Variants in AXDND1 observed in about 807,000 individuals in gnomAD.
AXDND1 encodes axonemal dynein light chain domain-containing protein 1.
Under a neutral mutation model 137.5 loss-of-function variants are expected in AXDND1, and 110 were observed. The observed-to-expected ratio is 0.80, with a 90% CI of 0.69 to 0.94. The LOEUF (loss-of-function observed/expected upper bound fraction) is 0.94. Among genes scored for constraint, AXDND1 ranks in the 40% least tolerant of loss-of-function variants. The pLI, the probability that AXDND1 is intolerant of heterozygous loss-of-function variation, is 0.00. For synonymous variants in AXDND1, 414 were observed against 399.7 expected, an observed-to-expected ratio of 1.04 and a Z score of -0.43; for missense variants, 1,191 against 1,169.8, an observed-to-expected ratio of 1.02 and a Z score of -0.26.
intron 20 of AXDND1, among the ~76,000 whole-genome samples, chr1:179,495,316 C>A (rs895647321): frequency 6.6e-6 from 1 of 152,054 alleles, no homozygotes; most frequent in Non-Finnish European, 1.5e-5. Flanking sequence ...GTCTTTAAAT[C>A]TGTGAACATG....
rs767605616 is a variant in AXDND1 at position 179,492,881 on chromosome 1, T to C, written c.2318T>C (p.Met773Thr). The C allele has an allele frequency of 2.9e-5, 46 of 1,608,214 alleles. No individual in the cohort carries two copies. Among genetic ancestry groups the C allele is most frequent in the Non-Finnish European group, 9.3e-6 (11 of 1,178,480 alleles). ...TGTTGCAAAGGGATGGTAACAGCAA[T>C]GGCTCTGAGTAAATCCACTAACTCA... ...SSCCKGMVTAMALSKSTNSHK... is the reference protein window; with the variant it reads ...SSCCKGMVTATALSKSTNSHK... Residue 773 changes from methionine (M) to threonine (T), a missense_variant, in exon 20 of 26, where the codon ATG becomes ACG. Coordinates refer to ENST00000367618, the MANE Select transcript of AXDND1 (RefSeq NM_144696.6).
At chr1:179,535,738 C>T (rs934280492) in intron 25 of AXDND1, among the ~76,000 whole-genome samples, 4 of 151,930 alleles carry the variant, frequency 2.6e-5, no homozygotes, top group African/African-American at 9.7e-5. Context: ...GGTATATACC[C>T]AGTAATGGGA....
intron 18 of AXDND1, among the ~76,000 whole-genome samples, chr1:179,487,885 A>G (rs1666255861): frequency 6.8e-6 from 1 of 146,404 alleles, no homozygotes; most frequent in Admixed American, 6.7e-5. Flanking sequence ...AGTCCCAACT[A>G]CTTGGGAGGC....
intron 9 of AXDND1, among the ~76,000 whole-genome samples, chr1:179,391,793 C>T (rs371447701): frequency 6.6e-6 from 1 of 152,132 alleles, no homozygotes; most frequent in Non-Finnish European, 1.5e-5. Context: ...CTGTCTCAGC[C>T]TCCCAAAGTG....
intron 16 of AXDND1, among the ~76,000 whole-genome samples, chr1:179,465,050 A>G (rs1241319165): frequency 6.6e-6 from 1 of 152,110 alleles, no homozygotes; most frequent in Non-Finnish European, 1.5e-5. Flanking sequence ...CTTCTTTGCA[A>G]TGGGTTTGAA....
At chr1:179,553,138 A>G (rs1217147509) in intron 25 of AXDND1, among the ~76,000 whole-genome samples, 2 of 152,250 alleles carry the variant, frequency 1.3e-5, no homozygotes, top group African/African-American at 2.4e-5. Context: ...CATAAAAGGT[A>G]CAAAATTGTC....
At chr1:179,515,083 C>T (rs528440235) in intron 21 of AXDND1, among the ~76,000 whole-genome samples, 1 of 152,232 alleles carries the variant, frequency 6.6e-6, no homozygotes, top group South Asian at 2.1e-4. Context: ...ATGTGAGATA[C>T]CATTCCATTC....
At chr1:179,524,743 C>G (rs943355019) in intron 21 of AXDND1, among the ~76,000 whole-genome samples, 2 of 152,190 alleles carry the variant, frequency 1.3e-5, no homozygotes, top group African/African-American at 2.4e-5. Flanking sequence ...TGTTCACGCT[C>G]CTTTTCTCTT....
chr1:179,374,307 T>A (rs527652214), intron 4 of AXDND1, among the ~76,000 whole-genome samples: 30 of 152,256 alleles, frequency 2.0e-4, no homozygotes, highest in African/African-American at 7.2e-4. Flanking sequence ...ATGGCGATCA[T>A]TCAAAAGTCA....
At chr1:179,435,083 C>T (rs994077097) in intron 15 of AXDND1, among the ~76,000 whole-genome samples, 13 of 152,094 alleles carry the variant, frequency 8.5e-5, no homozygotes, top group Admixed American at 7.9e-4. Context: ...GGATTAACTC[C>T]CATTCATAGC....
intron 11 of AXDND1, among the ~76,000 whole-genome samples, chr1:179,405,436 C>T (rs1436207015): frequency 1.3e-5 from 2 of 152,154 alleles, no homozygotes; most frequent in Non-Finnish European, 2.9e-5. Context: ...GGTATCTACC[C>T]AGTAATGGGA....
intron 22 of AXDND1, 37 bp downstream of exon 22, chr1:179,525,484 CAT>C (rs1270089287): frequency 2.0e-6 from 3 of 1,477,470 alleles, no homozygotes; most frequent in Admixed American, 4.3e-5. Flanking sequence ...CTCCTACATA[CAT>C]ACATACATAC....
At chr1:179,372,279 T>A (rs897392981) in intron 4 of AXDND1, among the ~76,000 whole-genome samples, 2 of 152,218 alleles carry the variant, frequency 1.3e-5, no homozygotes, top group Admixed American at 1.3e-4. Flanking sequence ...GTCTAGATAT[T>A]TTAAGCAGGA....
intron 12 of AXDND1, among the ~76,000 whole-genome samples, chr1:179,413,516 G>A (rs1244859768): frequency 6.6e-6 from 1 of 152,170 alleles, no homozygotes; most frequent in African/African-American, 2.4e-5. Context: ...TTCTGTTTCT[G>A]AGTTTTTTCA....
intron 16 of AXDND1, chr1:179,448,269 A>G (rs991825990): frequency 7.7e-6 from 6 of 778,256 alleles, no homozygotes; most frequent in East Asian, 4.9e-5. Context: ...AACTTTGTCC[A>G]TATCAGTGCT....
intron 12 of AXDND1, among the ~76,000 whole-genome samples, chr1:179,428,752 AT>A (rs1656945725): frequency 6.6e-6 from 1 of 152,262 alleles, no homozygotes; most frequent in South Asian, 2.1e-4. Context: ...CAAACATTAG[AT>A]TTGTAAAAAT....
At chr1:179,472,621 T>C (rs1350015531) in intron 17 of AXDND1, among the ~76,000 whole-genome samples, 2 of 152,188 alleles carry the variant, frequency 1.3e-5, no homozygotes, top group Non-Finnish European at 2.9e-5. Flanking sequence ...ATTCTTAAAT[T>C]GTCTGTTTTT....
At chr1:179,551,486 C>T (rs1228975567) in intron 25 of AXDND1, 4 of 1,611,554 alleles carry the variant, frequency 2.5e-6, no homozygotes, top group Non-Finnish European at 2.5e-6. Flanking sequence ...AGTGATTGTT[C>T]TTCATTCCCT....
chr1:179,551,366 T>G (rs756998523), intron 25 of AXDND1: 6 of 1,614,106 alleles, frequency 3.7e-6, no homozygotes. Context: ...GTATCGAAGC[T>G]GAACGGCAGC....
Sources: gnomAD v4.1 joint callset for allele counts (sites outside exome capture counted in the v4.1 genomes callset) on GRCh38, gnomAD v4.1.1 for gene constraint, MANE v1.5 for transcripts, NCBI Gene and HGNC (gene_info 2026-07-23, HGNC 2026-07-21) for gene names.